Variants in CEP350 observed in about 807,000 individuals in gnomAD.
CEP350 encodes centrosome-associated protein 350.
Under a neutral mutation model 331.8 loss-of-function variants are expected in CEP350, and 126 were observed. The ratio of observed to expected loss-of-function variants is 0.38; its 90% CI spans 0.33 to 0.44. The LOEUF (loss-of-function observed/expected upper bound fraction) is 0.44. CEP350 is among the 20% of genes least tolerant of loss of function. CEP350 has a pLI of 1.00. For missense variants in CEP350, 3,406 were observed against 3,634.6 expected (o/e 0.94, Z 1.62); for synonymous variants, 1,200 against 1,259.5 (o/e 0.95, Z 1.00).
At chr1:180,062,951 A>C (rs1658316477) in intron 26 of CEP350, among the ~76,000 whole-genome samples, 1 of 152,160 alleles carries the variant, frequency 6.6e-6, no homozygotes, top group Admixed American at 6.5e-5. Context: ...TGGAATATTC[A>C]AATTTTGAAA....
At chr1:179,994,820 G>A (rs775813592) in intron 5 of CEP350, among the ~76,000 whole-genome samples, 6 of 152,096 alleles carry the variant, frequency 3.9e-5, no homozygotes, top group Non-Finnish European at 7.4e-5. Flanking sequence ...GTGGACCCCA[G>A]TGAGAATCTG....
Position 180,020,849 on chromosome 1 carries a change from T to C in CEP350, c.3075T>C (p.Tyr1025=), listed in dbSNP as rs184494094. ...KEFCPGERNS[Y]EPIKEFQKEA... is the part of the protein sequence containing the mutation. ...TTTGTCCTGGAGAAAGAAATAGTTA[T>C]GAACCCATCAAAGAGTTTCAGAAAG... Residue 1025 remains tyrosine (Y), a synonymous_variant, in exon 12 of 38, where the codon TAT becomes TAC. Transcript: ENST00000367607. The C allele has an allele frequency of 8.1e-4, 1,307 of 1,613,848 alleles. 10 individuals carry two copies. The highest frequency in any genetic ancestry group is 2.8e-4 in the Admixed American group (17 of 59,994).
chr1:180,093,880 A>G lies in CEP350; in HGVS notation c.7775A>G (p.Asn2592Ser). Residue 2592 changes from asparagine (N) to serine (S), a missense_variant, in exon 34 of 38, where the codon AAT becomes AGT. By Grantham distance (46) the Asn-to-Ser change is conservative. Transcript: ENST00000367607. ...TCAGATGAACGATATCAGTGCTATA[A>G]TCAAGAGCAAAATGATACAGAGGGT... ...CYSDERYQCY[N>S]QEQNDTEGPK... The G allele has an allele frequency of 8.1e-6, 13 of 1,613,902 alleles. No individual in the cohort carries two copies. The highest frequency in any genetic ancestry group is 1.1e-5 in the Non-Finnish European group (13 of 1,179,856).
At position 180,094,544 on chromosome 1, in the gene CEP350, A is replaced by G. The variant is rs2149136735; in HGVS notation, c.8439A>G (p.Ser2813=). 1 of 1,613,960 alleles carries G rather than the reference A, an allele frequency of 6.2e-7. No individual in the cohort carries two copies. The highest frequency in any genetic ancestry group is 8.5e-7 in the Non-Finnish European group (1 of 1,179,848). ...TTGAGGAACAGTCGCCAAGTATTTC[A>G]GGTTGCTTCTTAAGTTCTGAATTGG... ...QNVEEQSPSI[S]GCFLSSELED... is the part of the protein sequence containing the mutation. The change falls in exon 34 of 38, where the codon TCA becomes TCG. Residue 2813 remains serine, a synonymous_variant. Coordinates refer to ENST00000367607, the MANE Select transcript of CEP350 (RefSeq NM_014810.5).
chr1:179,971,694 A>G (rs537465338), intron 1 of CEP350, among the ~76,000 whole-genome samples: 4 of 152,184 alleles, frequency 2.6e-5, no homozygotes, highest in Non-Finnish European at 5.9e-5. Flanking sequence ...GCATTGTTTG[A>G]CATTTTTCAA....
Position 180,043,277 on chromosome 1 carries a change from G to A in CEP350, c.4499+85G>A, listed in dbSNP as rs1468524312. The A allele has an allele frequency of 2.8e-6, 4 of 1,428,508 alleles. No individual in the cohort carries two copies. The Admixed American group carries it at 9.7e-5, about 35-fold the overall frequency. 88.5% of individuals were successfully genotyped at this position (1,428,508 alleles called of 1,614,324 possible). On this transcript the variant is annotated intron_variant, in intron 20 of 37. Coordinates refer to ENST00000367607, the MANE Select transcript of CEP350 (RefSeq NM_014810.5). ...AGCAAATATGTAATGAGTATTTGTT[G>A]TTATAGGCATTATTCTTGGTTGAGA... is the stretch of plus-strand genomic sequence containing the variant.
At chr1:179,969,062 A>C (rs1651237140) in intron 1 of CEP350, 2 of 719,870 alleles carry the variant, frequency 2.8e-6, no homozygotes, top group Non-Finnish European at 5.1e-6. Flanking sequence ...TAACCTACCT[A>C]CCATTGCTCT....
intron 37 of CEP350, among the ~76,000 whole-genome samples, chr1:180,102,977 A>G (rs73036432): frequency 0.017 from 2,555 of 152,340 alleles, 73 homozygotes; most frequent in African/African-American, 0.058. Flanking sequence ...TAATAGGCAG[A>G]AGAAATGAGA....
At position 180,033,411 on chromosome 1, in the gene CEP350, CAAAA is replaced by C. The variant is rs543967301; in HGVS notation, c.3726-450_3726-447del. Among the ~76,000 whole-genome samples, 8 of 152,144 alleles carry C rather than the reference CAAAA, an allele frequency of 5.3e-5. No individual in the cohort carries two copies. The South Asian group carries it at 1.7e-3, about 32-fold the overall frequency. ...TTCTTGGATCAACAAGAGGGTATAA[CAAAA>C]GAATAGTTTTTGTCTTTTCTTACCT... On this transcript the variant is annotated intron_variant, in intron 15 of 37. Transcript: ENST00000367607.
chr1:179,996,722 A>G lies in CEP350; in HGVS notation c.565A>G (p.Ile189Val), dbSNP rs201996337. ...TTTTGAGAGCTCCCAATCATCTGTC[A>G]TCAATGATACAGTTGTTAGGTTTTT... ...CDFESSQSSVINDTVVRFLND... is the reference protein window; with the variant it reads ...CDFESSQSSVVNDTVVRFLND... The change falls in exon 6 of 38, where the codon ATC becomes GTC. Residue 189 changes from isoleucine (I) to valine (V), a missense_variant. This residue lies in a region of CEP350 where 1,857 missense variants were observed against 1,909.2 expected (regional missense o/e 0.97). Coordinates refer to ENST00000367607, the MANE Select transcript of CEP350 (RefSeq NM_014810.5). 107 of 1,613,578 alleles carry G rather than the reference A, an allele frequency of 6.6e-5. No individual in the cohort carries two copies. Among genetic ancestry groups the G allele is most frequent in the Admixed American group, 5.0e-5 (3 of 59,964 alleles).
At chr1:180,073,577 G>C (rs762215098) in intron 27 of CEP350, among the ~76,000 whole-genome samples, 5 of 152,106 alleles carry the variant, frequency 3.3e-5, no homozygotes, top group East Asian at 1.9e-4. Flanking sequence ...GAGAAGAAAG[G>C]CATGTTTATT....
intron 31 of CEP350, chr1:180,087,318 T>C: frequency 4.1e-6 from 1 of 242,454 alleles, no homozygotes; most frequent in Non-Finnish European, 7.8e-6. Context: ...AGTATTAAAC[T>C]TCTGTAGATT....
intron 34 of CEP350, 84 bp from the exon 35 acceptor site, chr1:180,095,439 A>G (rs947477586): frequency 7.1e-7 from 1 of 1,401,614 alleles, no homozygotes; most frequent in African/African-American, 1.5e-5. Context: ...ATATATAAAT[A>G]ATGCATTTAC....
chr1:179,968,102 G>A (rs1194432553), intron 1 of CEP350, among the ~76,000 whole-genome samples: 1 of 152,136 alleles, frequency 6.6e-6, no homozygotes, highest in African/African-American at 2.4e-5. Context: ...AGGCCAAGGC[G>A]GGTGCATCAC....
chr1:179,995,026 A>C (rs1653368494), intron 5 of CEP350, among the ~76,000 whole-genome samples: 1 of 152,216 alleles, frequency 6.6e-6, no homozygotes, highest in African/African-American at 2.4e-5. Flanking sequence ...TGTAATTTCA[A>C]CATTTTTAGT....
Position 180,022,712 on chromosome 1 carries a change from T to G in CEP350, c.3250T>G (p.Leu1084Val), listed in dbSNP as rs1241721977. Reference sequence around the variant, plus strand: ...ACTTTTGTCAGGGTTTGAAGACAAGTTGGACAGAGGAACATCAACATCACG... The same window carrying G: ...ACTTTTGTCAGGGTTTGAAGACAAGGTGGACAGAGGAACATCAACATCACG... ...QLYGKGFEDKLDRGTSTSRPL... is the reference protein window; with the variant it reads ...QLYGKGFEDKVDRGTSTSRPL... The change falls in exon 13 of 38, where the codon TTG becomes GTG. Residue 1084 changes from leucine (L) to valine (V), a missense_variant. Transcript: ENST00000367607. 17 of 1,611,978 alleles carry G rather than the reference T, an allele frequency of 1.1e-5. No homozygotes were observed. The highest frequency in any genetic ancestry group is 1.4e-5 in the Non-Finnish European group (16 of 1,179,004).
Position 179,992,158 on chromosome 1 carries a change from C to A in CEP350, c.332C>A (p.Thr111Asn). The A allele has an allele frequency of 3.9e-6, 6 of 1,535,278 alleles. No homozygotes were observed. The highest frequency in any genetic ancestry group is 5.2e-6 in the Non-Finnish European group (6 of 1,145,362). ...EKSRSPLRATTLESNVKKNNR... is the reference protein window; with the variant it reads ...EKSRSPLRATNLESNVKKNNR... ...TCTCGTAGTCCTCTCAGGGCCACCA[C>A]CCTGGAGAGTAATGTGAAGAAAAAT... is the stretch of plus-strand genomic sequence containing the variant. Residue 111 changes from threonine to asparagine, a missense_variant, in exon 5 of 38, where the codon ACC becomes AAC. Coordinates refer to ENST00000367607, the MANE Select transcript of CEP350 (RefSeq NM_014810.5).
At chr1:180,073,143 A>G (rs1459440375) in intron 27 of CEP350, among the ~76,000 whole-genome samples, 1 of 152,044 alleles carries the variant, frequency 6.6e-6, no homozygotes, top group African/African-American at 2.4e-5. Context: ...ATGCATCCTG[A>G]TATCTTATAG....
intron 15 of CEP350, among the ~76,000 whole-genome samples, chr1:180,032,556 C>G (rs1023413610): frequency 6.6e-6 from 1 of 151,960 alleles, no homozygotes; most frequent in Non-Finnish European, 1.5e-5. Context: ...CCTTCCCTAC[C>G]CATGGAGATT....
Sources: allele counts gnomAD v4.1 joint callset (sites outside exome capture counted in the v4.1 genomes callset), GRCh38; gene constraint gnomAD v4.1.1; regional missense constraint gnomAD v4.1.1; transcripts MANE v1.5; gene names NCBI Gene and HGNC (gene_info 2026-07-23, HGNC 2026-07-21).